The following REEP3 variants were observed in gnomAD, a reference collection of about 807,000 sequenced individuals.
The protein encoded by REEP3 is receptor accessory protein 3.
REEP3 carries 20 observed loss-of-function variants against 41.3 expected under a neutral mutation model. That is an observed-to-expected ratio of 0.48 (90% CI 0.34 to 0.70). The LOEUF is 0.70. Ranked by LOEUF, REEP3 falls within the 30% of genes least tolerant of loss-of-function variation. The pLI is 0.01. For missense variants in REEP3, 271 were observed against 308.8 expected, an observed-to-expected ratio of 0.88 and a Z score of 0.92; for synonymous variants, 104 against 101.8, an observed-to-expected ratio of 1.02 and a Z score of -0.13.
intron 2 of REEP3, among the ~76,000 whole-genome samples, chr10:63,571,140 G>A (rs1420302922): frequency 1.3e-5 from 2 of 152,138 alleles, no homozygotes; most frequent in Non-Finnish European, 2.9e-5. Flanking sequence ...ATCAGGGGGA[G>A]GCTGCTAGAG....
At chr10:63,527,057 C>A in intron 1 of REEP3, among the ~76,000 whole-genome samples, 1 of 152,028 alleles carries the variant, frequency 6.6e-6, no homozygotes, top group Non-Finnish European at 1.5e-5. Context: ...AATGATAATA[C>A]ATTTTTGTTT....
chr10:63,558,434 G>C (rs1331261223), intron 1 of REEP3, among the ~76,000 whole-genome samples: 1 of 152,160 alleles, frequency 6.6e-6, no homozygotes, highest in Non-Finnish European at 1.5e-5. Context: ...TAAATTTCAT[G>C]GGTTTTAGAT....
chr10:63,541,791 A>G (rs912175689), intron 1 of REEP3, among the ~76,000 whole-genome samples: 1 of 152,228 alleles, frequency 6.6e-6, no homozygotes, highest in African/African-American at 2.4e-5. Flanking sequence ...GATAGGCAAT[A>G]TTTCTTTTTT....
intron 1 of REEP3, among the ~76,000 whole-genome samples, chr10:63,545,275 T>A (rs1395001790): frequency 6.6e-6 from 1 of 152,246 alleles, no homozygotes; most frequent in Non-Finnish European, 1.5e-5. Context: ...TACCATTTAT[T>A]TGTGCTGGGA....
intron 5 of REEP3, among the ~76,000 whole-genome samples, chr10:63,600,388 G>A (rs1956161520): frequency 6.6e-6 from 1 of 152,136 alleles, no homozygotes; most frequent in South Asian, 2.1e-4. Flanking sequence ...CACTATACAT[G>A]TAAGATAACT....
intron 2 of REEP3, among the ~76,000 whole-genome samples, chr10:63,584,077 C>G (rs1035417228): frequency 3.9e-5 from 6 of 152,168 alleles, no homozygotes; most frequent in Admixed American, 3.9e-4. Context: ...GATTCAAGGG[C>G]ACTGGGGAAG....
intron 6 of REEP3, among the ~76,000 whole-genome samples, chr10:63,610,894 C>T (rs776395731): frequency 6.6e-6 from 1 of 152,070 alleles, no homozygotes; most frequent in Non-Finnish European, 1.5e-5. Context: ...CATGGTGAAA[C>T]TCCGTCTCTA....
chr10:63,620,762 T>G, intron 7 of REEP3, 51 bp from the exon 8 acceptor site: 1 of 1,243,620 alleles, frequency 8.0e-7, no homozygotes, highest in Non-Finnish European at 1.1e-6. Flanking sequence ...TCTGATGTAA[T>G]TTTTTAAAGT....
intron 5 of REEP3, among the ~76,000 whole-genome samples, chr10:63,609,375 C>T (rs1180207484): frequency 6.7e-6 from 1 of 149,570 alleles, no homozygotes; most frequent in Admixed American, 6.8e-5. Flanking sequence ...TGGTGTGAAC[C>T]TGGGAGGCGG....
At chr10:63,609,326 C>T (rs1408381508) in intron 5 of REEP3, among the ~76,000 whole-genome samples, 1 of 151,960 alleles carries the variant, frequency 6.6e-6, no homozygotes, top group Non-Finnish European at 1.5e-5. Context: ...GTGGTGGGCG[C>T]CTGTAGTCCC....
chr10:63,620,924 C>A lies in REEP3; in HGVS notation c.*55C>A. On this transcript the variant is annotated 3_prime_UTR_variant, in exon 8 of 8. Coordinates refer to ENST00000373758, the MANE Select transcript of REEP3 (RefSeq NM_001001330.3). The stretch of plus-strand genomic sequence containing the variant: ...ATTATGCTAAATACATCGACTTCAT[C>A]TTCTAACATGATATATTCAGGATTT... 9.3e-7 allele frequency: 1 copy of A among 1,080,976 alleles called. No homozygotes were observed. Among genetic ancestry groups the A allele is most frequent in the Non-Finnish European group, 1.4e-6 (1 of 720,532 alleles). 67.0% of individuals were successfully genotyped at this position (1,080,976 alleles called of 1,614,324 possible). A position where few individuals can be genotyped will look rare whatever the true frequency, so the allele number is the denominator to read the frequency against.
At chr10:63,558,272 G>A (rs541103295) in intron 1 of REEP3, among the ~76,000 whole-genome samples, 7 of 152,180 alleles carry the variant, frequency 4.6e-5, no homozygotes, top group Admixed American at 6.5e-5. Flanking sequence ...CTTGGTTAGC[G>A]TGAGGTTATG....
At chr10:63,562,421 T>TA (rs1955749624) in intron 1 of REEP3, 1 of 375,088 alleles carries the variant, frequency 2.7e-6, no homozygotes, top group Non-Finnish European at 5.3e-6. Context: ...CCATGCCTGC[T>TA]AATTTTTGTA....
At chr10:63,545,024 G>A (rs945724092) in intron 1 of REEP3, among the ~76,000 whole-genome samples, 1 of 152,082 alleles carries the variant, frequency 6.6e-6, no homozygotes, top group African/African-American at 2.4e-5. Flanking sequence ...CAACTCTGGG[G>A]TATTTATTGT....
intron 2 of REEP3, among the ~76,000 whole-genome samples, chr10:63,571,893 A>T (rs1955855790): frequency 6.6e-6 from 1 of 152,202 alleles, no homozygotes; most frequent in Admixed American, 6.5e-5. Flanking sequence ...CTAGTATTTT[A>T]TTCATTCTAT....
chr10:63,619,893 A>C, intron 7 of REEP3, 93 bp downstream of exon 7: 1 of 478,748 alleles, frequency 2.1e-6, no homozygotes. Flanking sequence ...TAAATGAAGG[A>C]TTGGAATGGT....
intron 1 of REEP3, among the ~76,000 whole-genome samples, chr10:63,554,562 CTA>C (rs1955660089): frequency 6.6e-6 from 1 of 152,084 alleles, no homozygotes; most frequent in Admixed American, 6.6e-5. Flanking sequence ...ATTAGAAGTT[CTA>C]TGTTTTGGCT....
In REEP3 at chr10:63,538,061, G is replaced by T. The variant is rs193247370; in HGVS notation, c.32+16484G>T. Among the ~76,000 whole-genome samples, 5 of 149,956 alleles carry T rather than the reference G, an allele frequency of 3.3e-5. No individual in the cohort carries two copies. The South Asian group carries it at 6.3e-4, about 19-fold the overall frequency. On this transcript the variant is annotated intron_variant, in intron 1 of 7. Transcript: ENST00000373758. ...TATAAAAAGAAAATGTCTAAAAAATGTGTAAATTAATGTGCCTGCACTATA... is the reference window on the plus strand; with the variant it reads ...TATAAAAAGAAAATGTCTAAAAAATTTGTAAATTAATGTGCCTGCACTATA...
At chr10:63,574,619 C>A (rs1230952746) in intron 2 of REEP3, among the ~76,000 whole-genome samples, 1 of 152,084 alleles carries the variant, frequency 6.6e-6, no homozygotes, top group Non-Finnish European at 1.5e-5. Context: ...TCCACAGTAT[C>A]CTGCCATTAC....
Sources: allele counts gnomAD v4.1 joint callset (sites outside exome capture counted in the v4.1 genomes callset), GRCh38; gene constraint gnomAD v4.1.1; transcripts MANE v1.5; gene names NCBI Gene and HGNC (gene_info 2026-07-23, HGNC 2026-07-21).